The following PLEKHB1 variants were observed in gnomAD, a reference collection of about 807,000 sequenced individuals.
The protein encoded by PLEKHB1 is pleckstrin homology domain containing B1.
Under a neutral mutation model 36.2 loss-of-function variants are expected in PLEKHB1, and 29 were observed. That is an observed-to-expected ratio of 0.80 (90% CI 0.60 to 1.09). The LOEUF (loss-of-function observed/expected upper bound fraction) is 1.09, where lower values mean the gene tolerates loss of function less well. Ranked by LOEUF, PLEKHB1 falls within the 50% of genes least tolerant of loss-of-function variation. PLEKHB1 has a pLI of 0.00. For missense variants in PLEKHB1, 330 were observed against 348.2 expected, an observed-to-expected ratio of 0.95 and a Z score of 0.42; for synonymous variants, 138 against 140.0, an observed-to-expected ratio of 0.99 and a Z score of 0.10.
intron 2 of PLEKHB1, 90 bp from the exon 3 acceptor site, chr11:73,650,462 GA>G: frequency 7.2e-7 from 1 of 1,396,858 alleles, no homozygotes; most frequent in Admixed American, 2.6e-5. Flanking sequence ...ACTAGGGACT[GA>G]GGCTGAGGGG....
In PLEKHB1 at chr11:73,661,029, G is replaced by C. The variant is rs1945102788; in HGVS notation, c.595+177G>C. The C allele has an allele frequency of 3.0e-6, 2 of 664,300 alleles. No homozygotes were observed. Among genetic ancestry groups the C allele is most frequent in the Non-Finnish European group, 5.2e-6 (2 of 386,560 alleles). 41.2% of individuals were successfully genotyped at this position (664,300 alleles called of 1,614,324 possible). On this transcript the variant is annotated intron_variant, in intron 7 of 7. Coordinates refer to ENST00000354190, the MANE Select transcript of PLEKHB1 (RefSeq NM_021200.3). The surrounding 1 kb of genome is among the most constrained non-coding windows in gnomAD (Gnocchi z 4.6). The stretch of plus-strand genomic sequence containing the variant: ...TGAGACTGGGAGAGCTCTGGAACCA[G>C]CGTTCGTCTCGAGCTGACCTCACCC...
intron 4 of PLEKHB1, 164 bp from the exon 5 acceptor site, chr11:73,652,811 C>T: frequency 1.7e-6 from 1 of 572,356 alleles, no homozygotes; most frequent in Non-Finnish European, 3.1e-6. Flanking sequence ...GTGACTGGGG[C>T]AGGGGAGGGG....
chr11:73,647,377 C>T (rs1366360137), intron 1 of PLEKHB1: 3 of 205,076 alleles, frequency 1.5e-5, no homozygotes, highest in Non-Finnish European at 2.6e-5. Flanking sequence ...TTTACTTTTT[C>T]TTTTTTTCTA....
At position 73,647,553 on chromosome 11, in the gene PLEKHB1, C is replaced by T. The variant is rs941141455; in HGVS notation, c.18+927C>T. 4.1e-6 allele frequency: 4 copies of T among 985,344 alleles called. No individual in the cohort carries two copies. In the African/African-American group the frequency reaches 7.0e-5, roughly 17 times the overall value. The allele number at this position is 985,344 out of a possible 1,614,324, so 61.0% of individuals were successfully genotyped here. ...GGGTCAGCATCTCTTCACGTCACTCCCCCTCCCTGGGGTGGGCAGGTCCGG... is the reference window on the plus strand; with the variant it reads ...GGGTCAGCATCTCTTCACGTCACTCTCCCTCCCTGGGGTGGGCAGGTCCGG... On this transcript the variant is annotated intron_variant, in intron 1 of 7. Coordinates refer to ENST00000354190, the MANE Select transcript of PLEKHB1 (RefSeq NM_021200.3).
At chr11:73,653,862 GT>G (rs1378043932) in intron 5 of PLEKHB1, among the ~76,000 whole-genome samples, 2 of 152,130 alleles carry the variant, frequency 1.3e-5, no homozygotes, top group African/African-American at 4.8e-5. Context: ...AAGGATGTTG[GT>G]TTCTGCTAAG....
intron 1 of PLEKHB1, among the ~76,000 whole-genome samples, chr11:73,647,171 C>T (rs1398292274): frequency 2.0e-5 from 3 of 152,122 alleles, no homozygotes; most frequent in Non-Finnish European, 4.4e-5. Flanking sequence ...CCTCCAAGGC[C>T]CCTTTCAGCC....
intron 3 of PLEKHB1, chr11:73,651,426 A>G (rs1231619284): frequency 2.0e-6 from 1 of 493,746 alleles, no homozygotes; most frequent in Non-Finnish European, 4.0e-6. Flanking sequence ...CTCAGAGGTG[A>G]GCCAGGCACA....
chr11:73,659,680 G>A (rs1362311331), intron 6 of PLEKHB1, among the ~76,000 whole-genome samples: 4 of 152,222 alleles, frequency 2.6e-5, no homozygotes, highest in African/African-American at 9.6e-5. Flanking sequence ...AGAGCTTCCT[G>A]GAGTGGAGTG....
intron 5 of PLEKHB1, among the ~76,000 whole-genome samples, chr11:73,654,949 C>T (rs571069591): frequency 5.9e-5 from 9 of 152,192 alleles, no homozygotes; most frequent in East Asian, 1.9e-4. Flanking sequence ...TTCCAAGTGG[C>T]GGGTGAATTG....
chr11:73,656,358 T>C (rs1202377192), intron 6 of PLEKHB1, among the ~76,000 whole-genome samples: 1 of 152,178 alleles, frequency 6.6e-6, no homozygotes, highest in Non-Finnish European at 1.5e-5. Context: ...AAGGCAAGAA[T>C]GAGGCCTGAT....
At chr11:73,654,854 T>C (rs763499809) in intron 5 of PLEKHB1, among the ~76,000 whole-genome samples, 2 of 152,106 alleles carry the variant, frequency 1.3e-5, no homozygotes, top group Admixed American at 6.5e-5. Flanking sequence ...TTGGAAGAAA[T>C]GGACTTTCCC....
chr11:73,651,746 G>A (rs1227013443), intron 3 of PLEKHB1, 42 bp from the exon 4 acceptor site: 3 of 1,523,984 alleles, frequency 2.0e-6, no homozygotes, highest in Non-Finnish European at 2.7e-6. Flanking sequence ...GGGACCTGGG[G>A]CTTGTGCCTG....
In PLEKHB1 at chr11:73,661,632, G is replaced by C; in HGVS notation, c.*30G>C. 6.5e-7 allele frequency: 1 copy of C among 1,539,764 alleles called. No homozygotes were observed. The highest frequency in any genetic ancestry group is 8.7e-7 in the Non-Finnish European group (1 of 1,147,334). On this transcript the variant is annotated 3_prime_UTR_variant, in exon 8 of 8. Coordinates refer to ENST00000354190, the MANE Select transcript of PLEKHB1 (RefSeq NM_021200.3). This position sits in a 1 kb window ranked among gnomAD's most constrained non-coding sequence, Gnocchi z 4.6. ...TGGGACTCGGAGCACTGACCCCTGC[G>C]CTTGGATTGCTAGACTCCTCTTCCT...
intron 6 of PLEKHB1, among the ~76,000 whole-genome samples, chr11:73,658,220 A>G (rs1945032101): frequency 6.6e-6 from 1 of 152,172 alleles, no homozygotes; most frequent in African/African-American, 2.4e-5. Flanking sequence ...TTGAGTCTGA[A>G]AGACAGGTTG....
Position 73,661,075 on chromosome 11 carries a change from C to T in PLEKHB1, c.595+223C>T. On this transcript the variant is annotated intron_variant, in intron 7 of 7. Transcript: ENST00000354190. The surrounding 1 kb of genome is among the most constrained non-coding windows in gnomAD (Gnocchi z 4.6). ...CACCCTTCTGGGATGGCTCCTCAGC[C>T]CTGCGGTCGGCAATACCCATTCCTG... 1 of 602,194 alleles carries T rather than the reference C, an allele frequency of 1.7e-6. No homozygotes were observed. The highest frequency in any genetic ancestry group is 2.9e-6 in the Non-Finnish European group (1 of 341,638). The allele number at this position is 602,194 out of a possible 1,614,324, so 37.3% of individuals were successfully genotyped here. A position where few individuals can be genotyped will look rare whatever the true frequency, so the allele number is the denominator to read the frequency against.
intron 4 of PLEKHB1, chr11:73,652,622 T>G: frequency 9.3e-6 from 2 of 215,362 alleles, no homozygotes; most frequent in Non-Finnish European, 9.1e-6. Context: ...GGGGAAGTGT[T>G]TTGTTTGTAG....
intron 1 of PLEKHB1, chr11:73,647,594 G>A: frequency 1.0e-6 from 1 of 985,456 alleles, no homozygotes. Context: ...GGGGCCCGGG[G>A]GCAGCTGGGC....
intron 6 of PLEKHB1, 116 bp downstream of exon 6, chr11:73,656,023 C>T: frequency 1.2e-6 from 1 of 852,092 alleles, no homozygotes; most frequent in Non-Finnish European, 1.9e-6. Flanking sequence ...CTATCACCCA[C>T]AGGACACAAA....
rs2509065 is a variant in PLEKHB1 at position 73,648,757 on chromosome 11, C to G, written c.19-255C>G. 28,370 of 1,248,126 alleles carry G rather than the reference C, an allele frequency of 0.023. 5,054 individuals carry two copies. In the African/African-American group the frequency reaches 0.39, roughly 17 times the overall value. The allele number at this position is 1,248,126 out of a possible 1,614,324, so 77.3% of individuals were successfully genotyped here. A position where few individuals can be genotyped will look rare whatever the true frequency, so the allele number is the denominator to read the frequency against. ...GGAGGAGGGATATGGCCAAAGTTAC[C>G]AAGCTGAGGCTGGAATCCAGGCTCC... is the stretch of plus-strand genomic sequence containing the variant. On this transcript the variant is annotated intron_variant, in intron 1 of 7. Transcript: ENST00000354190.
Sources: allele counts gnomAD v4.1 joint callset (sites outside exome capture counted in the v4.1 genomes callset), GRCh38; gene constraint gnomAD v4.1.1; non-coding constraint Gnocchi (gnomAD v3.1); transcripts MANE v1.5; gene names NCBI Gene and HGNC (gene_info 2026-07-23, HGNC 2026-07-21).